The following RP1 variants were observed in gnomAD, a reference collection of about 807,000 sequenced individuals.
The protein encoded by RP1 is RP1 axonemal microtubule associated.
Under a neutral mutation model 14.8 loss-of-function variants are expected in RP1, and 16 were observed. The ratio of observed to expected loss-of-function variants is 1.08; its 90% CI spans 0.73 to 1.65. The LOEUF (loss-of-function observed/expected upper bound fraction) is 1.65. RP1 is among the 40% of genes most tolerant of loss of function. The pLI, the probability that RP1 is intolerant of heterozygous loss-of-function variation, is 0.00. For missense variants in RP1, 2,631 were observed against 2,535.0 expected, an observed-to-expected ratio of 1.04 and a Z score of -0.81; for synonymous variants, 876 against 883.6, an observed-to-expected ratio of 0.99 and a Z score of 0.15.
At chr8:54,599,462 C>CTT (rs34021495) in intron 1 of RP1, among the ~76,000 whole-genome samples, 1 of 141,080 alleles carries the variant, frequency 7.1e-6, no homozygotes, top group African/African-American at 2.6e-5. Flanking sequence ...GACTGAAAGT[C>CTT]TTTTTTTTTT....
chr8:54,569,848 A>G (rs1470117993), intron 1 of RP1, among the ~76,000 whole-genome samples: 1 of 152,234 alleles, frequency 6.6e-6, no homozygotes, highest in Non-Finnish European at 1.5e-5. Context: ...GATGTCAGAA[A>G]GAAGCCCAGT....
intron 1 of RP1, among the ~76,000 whole-genome samples, chr8:54,580,855 G>A (rs1009713024): frequency 5.9e-5 from 9 of 152,078 alleles, no homozygotes; most frequent in African/African-American, 2.2e-4. Flanking sequence ...ATGACCTTGT[G>A]ATCTGCCCAC....
At chr8:54,637,126 C>T (rs1806364621) in intron 3 of RP1, among the ~76,000 whole-genome samples, 1 of 152,142 alleles carries the variant, frequency 6.6e-6, no homozygotes, top group Non-Finnish European at 1.5e-5. Context: ...GCCTTGTATG[C>T]CCTGTTCGGT....
At chr8:54,620,828 TA>T in intron 1 of RP1, 126 bp from the exon 2 acceptor site, 1 of 933,988 alleles carries the variant, frequency 1.1e-6, no homozygotes, top group South Asian at 1.5e-5. Flanking sequence ...AATGAATGAA[TA>T]AATGAATGAA....
intron 24 of RP1, among the ~76,000 whole-genome samples, chr8:54,807,901 G>A (rs1021521566): frequency 3.3e-5 from 5 of 151,506 alleles, no homozygotes; most frequent in Non-Finnish European, 7.4e-5. Context: ...GCCTTTAACA[G>A]ATTTGATGAG....
At chr8:54,828,077 T>A (rs886777901) in intron 24 of RP1, among the ~76,000 whole-genome samples, 2 of 152,174 alleles carry the variant, frequency 1.3e-5, no homozygotes, top group African/African-American at 4.8e-5. Context: ...CATGGAGCTG[T>A]CATCTCCTAT....
intron 12 of RP1, among the ~76,000 whole-genome samples, chr8:54,691,653 C>T (rs1265485683): frequency 1.3e-5 from 2 of 151,718 alleles, no homozygotes; most frequent in Non-Finnish European, 2.9e-5. Flanking sequence ...AAGATAGAAC[C>T]CTAGGAACAC....
chr8:54,706,705 G>A, intron 15 of RP1: 3 of 1,516,026 alleles, frequency 2.0e-6, no homozygotes, highest in Non-Finnish European at 2.7e-6. Context: ...ACATTTGCCA[G>A]TTGTAGACAT....
chr8:54,583,034 A>G (rs1057501130), intron 1 of RP1, among the ~76,000 whole-genome samples: 23 of 152,082 alleles, frequency 1.5e-4, no homozygotes, highest in Non-Finnish European at 1.9e-4. Flanking sequence ...TTCCAACACT[A>G]TGTTGAATAG....
At chr8:54,796,709 A>T (rs143609376) in intron 24 of RP1, among the ~76,000 whole-genome samples, 2 of 152,154 alleles carry the variant, frequency 1.3e-5, no homozygotes, top group African/African-American at 4.8e-5. Flanking sequence ...TCTCAGAGGG[A>T]GTATGGCCTC....
exon 23 of RP1, chr8:54,769,754 A>T: frequency 6.5e-7 from 1 of 1,530,846 alleles, no homozygotes; most frequent in Non-Finnish European, 8.7e-7. Context: ...GCTTCCTTTC[A>T]TGTCTCAGGG....
In RP1 at chr8:54,809,612, A is replaced by G. The variant is rs184016338; in HGVS notation, c.3615+25902A>G. 3.1e-4 allele frequency among the ~76,000 whole-genome samples: 47 copies of G among 152,310 alleles called. No individual in the cohort carries two copies. In the East Asian group the frequency reaches 8.7e-3, roughly 28 times the overall value. Reference sequence around the variant, plus strand: ...TACATAAAAAAAGACTGTTTCTTTCACAGCCATTGTACTGTAAAGAAAATA... The same window carrying G: ...TACATAAAAAAAGACTGTTTCTTTCGCAGCCATTGTACTGTAAAGAAAATA... On this transcript the variant is annotated intron_variant, in intron 24 of 28. Coordinates refer to the RP1 transcript ENST00000637698.
chr8:54,862,589 G>A (rs16920856), intron 27 of RP1, among the ~76,000 whole-genome samples: 12,705 of 152,094 alleles, frequency 0.084, 1,040 homozygotes, highest in African/African-American at 0.21. Flanking sequence ...GGTAACAGCC[G>A]CAAAGAGAGA....
At chr8:54,703,114 TC>T in intron 14 of RP1, among the ~76,000 whole-genome samples, 1 of 152,260 alleles carries the variant, frequency 6.6e-6, no homozygotes. Flanking sequence ...TGACCTCCTA[TC>T]CCCATGAATC....
chr8:54,739,674 G>T (rs963389569), intron 19 of RP1, among the ~76,000 whole-genome samples: 11 of 149,782 alleles, frequency 7.3e-5, no homozygotes, highest in Admixed American at 5.3e-4. Context: ...ATGGTTCCTT[G>T]CAGACTCGTG....
chr8:54,832,287 A>G (rs1353918769), intron 24 of RP1, among the ~76,000 whole-genome samples: 1 of 151,790 alleles, frequency 6.6e-6, no homozygotes, highest in Non-Finnish European at 1.5e-5. Flanking sequence ...ATGTTAGTTT[A>G]ATTGATACTG....
chr8:54,575,808 G>A (rs897239879), intron 1 of RP1, among the ~76,000 whole-genome samples: 3 of 151,830 alleles, frequency 2.0e-5, no homozygotes, highest in African/African-American at 7.3e-5. Flanking sequence ...CTCAAGTGGG[G>A]CCCCAGTGTT....
chr8:54,703,620 A>T (rs1051037904), intron 14 of RP1, among the ~76,000 whole-genome samples: 1 of 152,198 alleles, frequency 6.6e-6, no homozygotes, highest in African/African-American at 2.4e-5. Context: ...TTAGCCCTTA[A>T]CAAGAGAGTC....
chr8:54,642,294 A>T (rs1221956341), intron 3 of RP1, among the ~76,000 whole-genome samples: 1 of 152,048 alleles, frequency 6.6e-6, no homozygotes, highest in East Asian at 1.9e-4. Context: ...AACTATATAT[A>T]TTTTTCTCTT....
Sources: gnomAD v4.1 joint callset for allele counts (sites outside exome capture counted in the v4.1 genomes callset) on GRCh38, gnomAD v4.1.1 for gene constraint, MANE v1.5 for transcripts, NCBI Gene and HGNC (gene_info 2026-07-23, HGNC 2026-07-21) for gene names.